Variants in KIAA0825 observed in about 807,000 individuals in gnomAD.
The protein encoded by KIAA0825 is KIAA0825.
Under a neutral mutation model 147.6 loss-of-function variants are expected in KIAA0825, and 119 were observed. The ratio of observed to expected loss-of-function variants is 0.81; its 90% CI spans 0.69 to 0.94. The LOEUF (loss-of-function observed/expected upper bound fraction) is 0.94, where lower values mean the gene tolerates loss of function less well. KIAA0825 is among the 40% of genes least tolerant of loss of function. The pLI is 0.00. For synonymous variants in KIAA0825, 470 were observed against 518.1 expected (o/e 0.91, Z 1.26); for missense variants, 1,381 against 1,472.7 (o/e 0.94, Z 1.02).
At position 94,276,711 on chromosome 5, in the gene KIAA0825, CTTAA is replaced by C. The variant is rs139374996; in HGVS notation, c.3710+107653_3710+107656del. ...GAAATAGATTGATTAAGATTTAATT[CTTAA>C]TTATTTAATTATTAAATAAATTTAA... On this transcript the variant is annotated intron_variant, in intron 20 of 20. Coordinates refer to ENST00000682413, the MANE Select transcript of KIAA0825 (RefSeq NM_001145678.3). Among the ~76,000 whole-genome samples, 1,310 of 152,006 alleles carry C rather than the reference CTTAA, an allele frequency of 8.6e-3. 22 individuals are homozygous for C. Among genetic ancestry groups the C allele is most frequent in the African/African-American group, 0.03 (1,237 of 41,474 alleles).
chr5:94,614,518 T>G (rs1789855709), intron 1 of KIAA0825, among the ~76,000 whole-genome samples: 1 of 152,306 alleles, frequency 6.6e-6, no homozygotes, highest in East Asian at 1.9e-4. Flanking sequence ...TACCTCAGCT[T>G]TATTACCAGC....
At chr5:94,267,189 G>A (rs932327159) in intron 20 of KIAA0825, among the ~76,000 whole-genome samples, 1 of 152,140 alleles carries the variant, frequency 6.6e-6, no homozygotes, top group African/African-American at 2.4e-5. Flanking sequence ...ATCAACCGAA[G>A]CTCAGTTACA....
intron 20 of KIAA0825, among the ~76,000 whole-genome samples, chr5:94,205,300 T>TATATATATATATATATATATATA (rs1554242872): frequency 7.5e-5 from 10 of 133,926 alleles, no homozygotes; most frequent in East Asian, 2.1e-4. Context: ...TATATATATA[T>TATATATATATATATATATATATA]TTTGTTTTGT....
chr5:94,231,619 T>C (rs1337938622), intron 20 of KIAA0825, among the ~76,000 whole-genome samples: 1 of 152,126 alleles, frequency 6.6e-6, no homozygotes, highest in Non-Finnish European at 1.5e-5. Context: ...TATGTAACTA[T>C]GAAAATTGTT....
chr5:94,312,556 A>G (rs1037751538), intron 20 of KIAA0825, among the ~76,000 whole-genome samples: 2 of 151,656 alleles, frequency 1.3e-5, no homozygotes, highest in African/African-American at 4.8e-5. Flanking sequence ...ACGCTTTTGC[A>G]TATCAGACAG....
chr5:94,239,228 C>A lies in KIAA0825; in HGVS notation c.3711-85104G>T, dbSNP rs568168091. Among the ~76,000 whole-genome samples the A allele has an allele frequency of 3.3e-5, 5 of 152,242 alleles. No individual in the cohort carries two copies. In the East Asian group the frequency reaches 9.6e-4, roughly 29 times the overall value. ...ACTTGGAGTGACAGCACTATAGTAA[C>A]CCCGCTTCATCGGGGCCAATCTATA... is the stretch of plus-strand genomic sequence containing the variant. On this transcript the variant is annotated intron_variant, in intron 20 of 20. Transcript: ENST00000682413.
chr5:94,301,104 C>T (rs1778378321), intron 20 of KIAA0825, among the ~76,000 whole-genome samples: 1 of 152,174 alleles, frequency 6.6e-6, no homozygotes, highest in African/African-American at 2.4e-5. Flanking sequence ...TAGCCTCTTT[C>T]ACTTTTAAAT....
chr5:94,224,420 C>T (rs1002329308), intron 20 of KIAA0825, among the ~76,000 whole-genome samples: 1 of 151,660 alleles, frequency 6.6e-6, no homozygotes, highest in Non-Finnish European at 1.5e-5. Flanking sequence ...CTTGCCATGA[C>T]ATTAAAAAAA....
At chr5:94,242,317 T>C (rs1014333870) in intron 20 of KIAA0825, among the ~76,000 whole-genome samples, 2 of 152,188 alleles carry the variant, frequency 1.3e-5, no homozygotes, top group Non-Finnish European at 2.9e-5. Flanking sequence ...GTTATTCTCC[T>C]TTCCATTACC....
chr5:94,354,342 A>G (rs189895651), intron 20 of KIAA0825, among the ~76,000 whole-genome samples: 1 of 152,262 alleles, frequency 6.6e-6, no homozygotes, highest in Admixed American at 6.5e-5. Context: ...GTGTTTCAAT[A>G]TGAATTTAAG....
At chr5:94,482,189 A>G (rs1418400819) in intron 6 of KIAA0825, among the ~76,000 whole-genome samples, 3 of 152,118 alleles carry the variant, frequency 2.0e-5, no homozygotes, top group Non-Finnish European at 4.4e-5. Flanking sequence ...TCTCTTGTCT[A>G]CAATCAAATT....
chr5:94,480,157 G>C (rs1394980599), intron 6 of KIAA0825, among the ~76,000 whole-genome samples: 2 of 151,882 alleles, frequency 1.3e-5, no homozygotes, highest in Non-Finnish European at 2.9e-5. Flanking sequence ...ATAATGTTTT[G>C]TGGTAGCAAA....
Position 94,557,295 on chromosome 5 carries a change from G to A in KIAA0825, c.-1-20168C>T, listed in dbSNP as rs144667718. Among the ~76,000 whole-genome samples, 1,369 of 151,972 alleles carry A rather than the reference G, an allele frequency of 9.0e-3. 26 individuals are homozygous for A. Among genetic ancestry groups the A allele is most frequent in the African/African-American group, 0.032 (1,312 of 41,448 alleles). ...CCTGGCTAATTTTTGTAGAGATTGG[G>A]TTTTGCCATGTTGCCCAGGCTGCTT... is the stretch of plus-strand genomic sequence containing the variant. On this transcript the variant is annotated intron_variant, in intron 2 of 20. Coordinates refer to ENST00000682413, the MANE Select transcript of KIAA0825 (RefSeq NM_001145678.3).
At chr5:94,508,764 GTCTC>G (rs1261100601) in intron 5 of KIAA0825, among the ~76,000 whole-genome samples, 1 of 152,100 alleles carries the variant, frequency 6.6e-6, no homozygotes, top group African/African-American at 2.4e-5. Flanking sequence ...TATGTGCTCT[GTCTC>G]TCTATTGCCG....
chr5:94,224,303 C>T (rs922242729), intron 20 of KIAA0825, among the ~76,000 whole-genome samples: 4 of 151,646 alleles, frequency 2.6e-5, no homozygotes, highest in Admixed American at 2.0e-4. Flanking sequence ...GCCATGTCAG[C>T]CAGGCTGGTC....
chr5:94,217,938 A>G (rs116713213), intron 20 of KIAA0825, among the ~76,000 whole-genome samples: 27 of 152,320 alleles, frequency 1.8e-4, no homozygotes, highest in African/African-American at 5.5e-4. Context: ...GTTGCCCAAT[A>G]GTATTACAAT....
intron 14 of KIAA0825, among the ~76,000 whole-genome samples, chr5:94,426,051 T>TATTATA (rs1384552241): frequency 6.6e-6 from 1 of 150,586 alleles, no homozygotes; most frequent in Non-Finnish European, 1.5e-5. Flanking sequence ...TTATTATTAT[T>TATTATA]ATAGAGAGAA....
At chr5:94,368,112 A>G (rs923070018) in intron 20 of KIAA0825, among the ~76,000 whole-genome samples, 2 of 152,220 alleles carry the variant, frequency 1.3e-5, no homozygotes, top group African/African-American at 4.8e-5. Flanking sequence ...TGTACATAAA[A>G]GAGAATGAGG....
intron 5 of KIAA0825, among the ~76,000 whole-genome samples, chr5:94,518,333 T>G (rs1767582314): frequency 6.6e-6 from 1 of 152,180 alleles, no homozygotes. Context: ...CCTTACTGTG[T>G]CTAGCACAGA....
Sources: allele counts gnomAD v4.1 joint callset (sites outside exome capture counted in the v4.1 genomes callset), GRCh38; gene constraint gnomAD v4.1.1; transcripts MANE v1.5; gene names NCBI Gene and HGNC (gene_info 2026-07-23, HGNC 2026-07-21).